Variants in SERPINH1 observed in about 807,000 individuals in gnomAD.
SERPINH1 encodes the protein serpin family H member 1.
In SERPINH1, 22 loss-of-function variants were observed where a neutral mutation model predicts 32.3. That is an observed-to-expected ratio of 0.68 (90% CI 0.49 to 0.97). SERPINH1 has a LOEUF of 0.97. Ranked by LOEUF, SERPINH1 falls within the 50% of genes least tolerant of loss-of-function variation. The pLI is 0.00. For missense variants in SERPINH1, 543 were observed against 576.4 expected (o/e 0.94, Z 0.59); for synonymous variants, 251 against 245.9 (o/e 1.02, Z -0.19).
At chr11:75,564,121 C>A (rs1190749741) in intron 1 of SERPINH1, among the ~76,000 whole-genome samples, 1 of 152,238 alleles carries the variant, frequency 6.6e-6, no homozygotes, top group Non-Finnish European at 1.5e-5. Flanking sequence ...CCTGGAGTCC[C>A]CTGGCAAATA....
At chr11:75,565,448 T>C (rs903140273) in intron 1 of SERPINH1, among the ~76,000 whole-genome samples, 1 of 152,068 alleles carries the variant, frequency 6.6e-6, no homozygotes, top group African/African-American at 2.4e-5. Context: ...CACCGAGTCT[T>C]CAAAGGAGTT....
rs145039745 is a variant in SERPINH1 at position 75,566,481 on chromosome 11, C to A, written c.132C>A (p.Ala44=). Reference sequence around the variant, plus strand: ...TGAGCCCCAAGGCGGCCACGCTTGCCGAGCGCAGCGCCGGCCTGGCCTTCA... The same window carrying A: ...TGAGCCCCAAGGCGGCCACGCTTGCAGAGCGCAGCGCCGGCCTGGCCTTCA... ...EKLSPKAATL[A]ERSAGLAFSL... Residue 44 remains alanine (A), a synonymous_variant, in exon 2 of 5, where the codon GCC becomes GCA. Coordinates refer to ENST00000358171, the MANE Select transcript of SERPINH1 (RefSeq NM_001235.5). The A allele has an allele frequency of 1.2e-6, 2 of 1,612,404 alleles. No individual in the cohort carries two copies. Among genetic ancestry groups the A allele is most frequent in the Non-Finnish European group, 1.7e-6 (2 of 1,179,808 alleles).
intron 2 of SERPINH1, 40 bp downstream of exon 2, chr11:75,567,011 C>CCG (rs1555026138): frequency 4.3e-5 from 47 of 1,092,678 alleles, no homozygotes; most frequent in Non-Finnish European, 6.2e-5. Context: ...CTCCTCCTCC[C>CCG]AGGACCCCCT....
At chr11:75,569,300 G>A (rs1440271553) in intron 4 of SERPINH1, 129 bp downstream of exon 4, 1 of 673,788 alleles carries the variant, frequency 1.5e-6, no homozygotes, top group African/African-American at 1.8e-5. Flanking sequence ...TGGGCTCTGT[G>A]ATGGGGGAAG....
At chr11:75,564,119 C>T (rs891539661) in intron 1 of SERPINH1, among the ~76,000 whole-genome samples, 2 of 152,220 alleles carry the variant, frequency 1.3e-5, no homozygotes, top group Non-Finnish European at 2.9e-5. Context: ...CTCCTGGAGT[C>T]CCCTGGCAAA....
At chr11:75,568,673 G>A (rs1942136285) in intron 2 of SERPINH1, 58 bp from the exon 3 acceptor site, 2 of 1,164,396 alleles carry the variant, frequency 1.7e-6, no homozygotes, top group African/African-American at 3.0e-5. Flanking sequence ...GCTGTGGGCT[G>A]TGATTGTGTT....
chr11:75,564,227 G>A (rs916549874), intron 1 of SERPINH1, among the ~76,000 whole-genome samples: 11 of 152,358 alleles, frequency 7.2e-5, no homozygotes, highest in Middle Eastern at 3.4e-3. Context: ...TGCCTGCCAC[G>A]TCACCACCAG....
chr11:75,569,200 C>T (rs367704364), intron 4 of SERPINH1, 29 bp downstream of exon 4: 26 of 1,540,226 alleles, frequency 1.7e-5, no homozygotes, highest in African/African-American at 1.5e-4. Flanking sequence ...TAGGGGCCTG[C>T]AGGCCTTGGA....
At chr11:75,568,305 T>TA in intron 2 of SERPINH1, 29 of 263,282 alleles carry the variant, frequency 1.1e-4, no homozygotes, top group East Asian at 8.8e-4. Flanking sequence ...AAGAAAAAGA[T>TA]AAAAAAAAAA....
rs368336245 is a variant in SERPINH1 at position 75,571,877 on chromosome 11, G to A, written c.1051G>A (p.Val351Met). ...CAAGAAGGACCTGTACCTGGCCAGCGTGTTCCACGCCACCGCCTTTGAGTT... is the reference window on the plus strand; with the variant it reads ...CAAGAAGGACCTGTACCTGGCCAGCATGTTCCACGCCACCGCCTTTGAGTT... ...SGKKDLYLAS[V>M]FHATAFELDT... Residue 351 changes from valine to methionine, a missense_variant, in exon 5 of 5, where the codon GTG (valine) becomes ATG (methionine). Coordinates refer to ENST00000358171, the MANE Select transcript of SERPINH1 (RefSeq NM_001235.5). The A allele has an allele frequency of 1.5e-5, 25 of 1,614,098 alleles. No individual in the cohort carries two copies. Among genetic ancestry groups the A allele is most frequent in the African/African-American group, 2.7e-5 (2 of 74,938 alleles).
At chr11:75,570,223 C>T (rs2135556137) in intron 4 of SERPINH1, among the ~76,000 whole-genome samples, 1 of 152,294 alleles carries the variant, frequency 6.6e-6, no homozygotes, top group Middle Eastern at 3.4e-3. Flanking sequence ...TTGGATGCCA[C>T]AAATGGTTCT....
chr11:75,567,102 T>A, intron 2 of SERPINH1, 131 bp downstream of exon 2: 1 of 1,030,658 alleles, frequency 9.7e-7, no homozygotes, highest in Non-Finnish European at 1.4e-6. Flanking sequence ...GAGGCAGGAC[T>A]GTCACTCAGC....
rs199681690 is a variant in SERPINH1, at chr11:75,568,955, C to T, written c.738C>T (p.Tyr246=). The T allele has an allele frequency of 1.1e-5, 18 of 1,613,928 alleles. No individual in the cohort carries two copies. Among genetic ancestry groups the T allele is most frequent in the East Asian group, 4.5e-5 (2 of 44,878 alleles). Reference sequence around the variant, plus strand: ...CTCTCCCAGGCCTCTACAACTACTACGACGACGAGAAGGAAAAGCTGCAAA... The same window carrying T: ...CTCTCCCAGGCCTCTACAACTACTATGACGACGAGAAGGAAAAGCTGCAAA... The part of the protein sequence containing the change: ...MMHRTGLYNY[Y]DDEKEKLQIV... Residue 246 remains tyrosine (Y), a synonymous_variant, in exon 4 of 5, where the codon TAC becomes TAT. Transcript: ENST00000358171.
rs1363699917 is a variant in SERPINH1 at position 75,566,853 on chromosome 11, C to T, written c.504C>T (p.Ser168=). The T allele has an allele frequency of 3.1e-6, 5 of 1,611,954 alleles. No homozygotes were observed. The highest frequency in any genetic ancestry group is 1.1e-5 in the South Asian group (1 of 91,086). Reference sequence around the variant, plus strand: ...AGATCAACTTCCGCGACAAGCGCAGCGCGCTGCAGTCCATCAACGAGTGGG... The same window carrying T: ...AGATCAACTTCCGCGACAAGCGCAGTGCGCTGCAGTCCATCAACGAGTGGG... The part of the protein sequence containing the change: ...HSKINFRDKR[S]ALQSINEWAA... The change falls in exon 2 of 5, where the codon AGC becomes AGT. Residue 168 remains serine (S), a synonymous_variant. Transcript: ENST00000358171.
rs1010753984 is a variant in SERPINH1 at position 75,572,189 on chromosome 11, A to G, written c.*106A>G. 8 of 865,330 alleles carry G rather than the reference A, an allele frequency of 9.2e-6. No homozygotes were observed. The highest frequency in any genetic ancestry group is 5.6e-5 in the South Asian group (4 of 70,944). 53.6% of individuals were successfully genotyped at this position (865,330 alleles called of 1,614,324 possible). A position where few individuals can be genotyped will look rare whatever the true frequency, so the allele number is the denominator to read the frequency against. On this transcript the variant is annotated 3_prime_UTR_variant, in exon 5 of 5. Transcript: ENST00000358171. Reference sequence around the variant, plus strand: ...GTGAGGTACCAGCCTTGGATACTCCATGGGGTGGGGGTGGAAAAACAGACC... The same window carrying G: ...GTGAGGTACCAGCCTTGGATACTCCGTGGGGTGGGGGTGGAAAAACAGACC...
chr11:75,562,986 C>T (rs1213717127), intron 1 of SERPINH1: 1 of 152,218 alleles, frequency 6.6e-6, no homozygotes, highest in Non-Finnish European at 1.5e-5. Context: ...GCCAGCGAGG[C>T]TCCCTACCAC....
chr11:75,566,770 A>T lies in SERPINH1; in HGVS notation c.421A>T (p.Ser141Cys). 6.2e-7 allele frequency: 1 copy of T among 1,613,218 alleles called. No individual in the cohort carries two copies. Among genetic ancestry groups the T allele is most frequent in the Non-Finnish European group, 8.5e-7 (1 of 1,179,942 alleles). The change falls in exon 2 of 5, where the codon AGC becomes TGC. Residue 141 changes from serine to cysteine, a missense_variant. Ser to Cys is a moderately radical substitution (Grantham distance 112). Around this residue, in one of 3 missense-constraint regions of SERPINH1, gnomAD observed 427 missense variants for 446.4 expected, o/e 0.96. Coordinates refer to ENST00000358171, the MANE Select transcript of SERPINH1 (RefSeq NM_001235.5). ...CCGACTGTACGGACCCAGCTCAGTG[A>T]GCTTCGCTGATGACTTCGTGCGCAG... is the stretch of plus-strand genomic sequence containing the variant. Reference protein sequence around the residue: ...GSRLYGPSSVSFADDFVRSSK... With the variant: ...GSRLYGPSSVCFADDFVRSSK...
rs749150631 is a variant in SERPINH1 at position 75,566,401 on chromosome 11, G to A, written c.52G>A (p.Ala18Thr). Residue 18 changes from alanine (A) to threonine (T), a missense_variant, in exon 2 of 5, where the codon GCC (alanine) becomes ACC (threonine). Around this residue, in one of 3 missense-constraint regions of SERPINH1, gnomAD observed 109 missense variants for 102.4 expected, o/e 1.06. Coordinates refer to ENST00000358171, the MANE Select transcript of SERPINH1 (RefSeq NM_001235.5). Reference protein sequence around the residue: ...SAFCLLEAALAAEVKKPAAAA... With the variant: ...SAFCLLEAALTAEVKKPAAAA... ...CTTCTGCCTCCTGGAGGCGGCCCTGGCCGCCGAGGTGAAGAAACCTGCAGC... is the reference window on the plus strand; with the variant it reads ...CTTCTGCCTCCTGGAGGCGGCCCTGACCGCCGAGGTGAAGAAACCTGCAGC... 2 of 1,610,628 alleles carry A rather than the reference G, an allele frequency of 1.2e-6. No individual in the cohort carries two copies. The highest frequency in any genetic ancestry group is 1.7e-5 in the Admixed American group (1 of 59,656).
At chr11:75,565,226 C>A (rs1258651590) in intron 1 of SERPINH1, among the ~76,000 whole-genome samples, 1 of 152,180 alleles carries the variant, frequency 6.6e-6, no homozygotes, top group African/African-American at 2.4e-5. Context: ...AACCCTGAAG[C>A]CGTGGAGCAG....
Sources: gnomAD v4.1 joint callset for allele counts (sites outside exome capture counted in the v4.1 genomes callset) on GRCh38, gnomAD v4.1.1 for gene constraint, gnomAD v4.1.1 regional missense constraint, MANE v1.5 for transcripts, NCBI Gene and HGNC (gene_info 2026-07-23, HGNC 2026-07-21) for gene names.